RFTN2: variants seen among roughly 807,000 people sequenced by gnomAD.
RFTN2 encodes raftlin family member 2.
Under a neutral mutation model 52.7 loss-of-function variants are expected in RFTN2, and 34 were observed. The ratio of observed to expected loss-of-function variants is 0.64; its 90% CI spans 0.49 to 0.86. RFTN2 has a LOEUF of 0.86. Among genes scored for constraint, RFTN2 ranks in the 40% least tolerant of loss-of-function variants. RFTN2 has a pLI of 0.00. For synonymous variants in RFTN2, 203 were observed against 217.7 expected (o/e 0.93, Z 0.59); for missense variants, 536 against 600.1 (o/e 0.89, Z 1.12).
chr2:197,599,195 T>C (rs1217754391), intron 7 of RFTN2, among the ~76,000 whole-genome samples: 1 of 152,160 alleles, frequency 6.6e-6, no homozygotes, highest in Non-Finnish European at 1.5e-5. Context: ...CACCTCGGCC[T>C]CCCAAAGTGC....
At chr2:197,644,080 G>T in intron 3 of RFTN2, 78 bp downstream of exon 3, 2 of 856,484 alleles carry the variant, frequency 2.3e-6, no homozygotes, top group Non-Finnish European at 4.0e-6. Flanking sequence ...ATTCTTTTTA[G>T]GGTAAAAAAG....
chr2:197,583,781 C>T (rs945525763), intron 8 of RFTN2, among the ~76,000 whole-genome samples: 2 of 152,044 alleles, frequency 1.3e-5, no homozygotes, highest in African/African-American at 4.8e-5. Flanking sequence ...CTCCCCACTC[C>T]CCCACCCCAC....
intron 7 of RFTN2, among the ~76,000 whole-genome samples, chr2:197,612,051 A>C (rs545086218): frequency 6.6e-6 from 1 of 152,316 alleles, no homozygotes; most frequent in South Asian, 2.1e-4. Flanking sequence ...CAATTTTAGA[A>C]TAAGTGTGAT....
chr2:197,579,901 A>T (rs1005150241), intron 8 of RFTN2, among the ~76,000 whole-genome samples: 6 of 152,094 alleles, frequency 3.9e-5, no homozygotes, highest in African/African-American at 7.2e-5. Context: ...TTGTTCCACG[A>T]CTAGCTCTCC....
chr2:197,636,106 T>G (rs1245906673), intron 3 of RFTN2, among the ~76,000 whole-genome samples: 1 of 151,966 alleles, frequency 6.6e-6, no homozygotes, highest in Admixed American at 6.6e-5. Context: ...TATCTCTTGT[T>G]TTGGTACCAG....
intron 6 of RFTN2, among the ~76,000 whole-genome samples, chr2:197,616,268 CATTTTATTTTATTTT>C (rs60073189): frequency 8.2e-5 from 5 of 60,768 alleles, no homozygotes; most frequent in African/African-American, 1.6e-4. Flanking sequence ...TGGGAATCTG[CATTTTATTTTATTTT>C]ATTTTATTTT....
At chr2:197,658,138 T>TC (rs1291261725) in intron 1 of RFTN2, among the ~76,000 whole-genome samples, 1 of 151,896 alleles carries the variant, frequency 6.6e-6, no homozygotes, top group African/African-American at 2.4e-5. Flanking sequence ...TATGTTTTTT[T>TC]CCCCCTCATG....
chr2:197,654,763 C>T (rs1278732794), intron 1 of RFTN2, among the ~76,000 whole-genome samples: 2 of 151,574 alleles, frequency 1.3e-5, no homozygotes, highest in African/African-American at 2.4e-5. Flanking sequence ...TTTGGGAGGC[C>T]GCGGTGGGAG....
At chr2:197,634,886 C>T (rs376481899) in intron 3 of RFTN2, among the ~76,000 whole-genome samples, 1 of 121,756 alleles carries the variant, frequency 8.2e-6, no homozygotes, top group Admixed American at 8.9e-5. Flanking sequence ...TAGCTCCCCC[C>T]TCCCCCCACC....
chr2:197,590,439 C>T (rs2087685131), intron 8 of RFTN2, among the ~76,000 whole-genome samples: 1 of 152,116 alleles, frequency 6.6e-6, no homozygotes, highest in African/African-American at 2.4e-5. Flanking sequence ...GTAAAGGTCT[C>T]CATAACTTCC....
chr2:197,596,290 A>G (rs1340800868), intron 7 of RFTN2, among the ~76,000 whole-genome samples: 1 of 152,218 alleles, frequency 6.6e-6, no homozygotes, highest in Non-Finnish European at 1.5e-5. Context: ...AAAACTGAAT[A>G]TGGTCACTAT....
intron 8 of RFTN2, among the ~76,000 whole-genome samples, chr2:197,581,049 C>T (rs1213077823): frequency 6.6e-6 from 1 of 152,128 alleles, no homozygotes; most frequent in Non-Finnish European, 1.5e-5. Context: ...ACCAATCACA[C>T]ACTTGTTACT....
chr2:197,658,537 T>C (rs1348199209), intron 1 of RFTN2, among the ~76,000 whole-genome samples: 2 of 152,060 alleles, frequency 1.3e-5, no homozygotes, highest in Admixed American at 6.6e-5. Context: ...TCCTCGTTCC[T>C]AGACTTTCCA....
At chr2:197,642,938 C>T (rs1431494961) in intron 3 of RFTN2, among the ~76,000 whole-genome samples, 1 of 152,098 alleles carries the variant, frequency 6.6e-6, no homozygotes, top group African/African-American at 2.4e-5. Context: ...ATGATTGTGC[C>T]ACTATACTCC....
At chr2:197,648,770 G>A (rs1022605317) in intron 1 of RFTN2, among the ~76,000 whole-genome samples, 2 of 152,174 alleles carry the variant, frequency 1.3e-5, no homozygotes, top group African/African-American at 2.4e-5. Context: ...GCTTTGGGAT[G>A]CTGGAAGGAC....
At chr2:197,647,572 G>C (rs566206148) in intron 1 of RFTN2, among the ~76,000 whole-genome samples, 1 of 152,196 alleles carries the variant, frequency 6.6e-6, no homozygotes, top group South Asian at 2.1e-4. Context: ...TGGGAGAAAT[G>C]GCATTTATTA....
Position 197,617,837 on chromosome 2 carries a change from T to C in RFTN2, c.1013A>G (p.Asn338Ser). 2 of 1,608,822 alleles carry C rather than the reference T, an allele frequency of 1.2e-6. No homozygotes were observed. Among genetic ancestry groups the C allele is most frequent in the Non-Finnish European group, 1.7e-6 (2 of 1,176,388 alleles). ...SGVPGSSRKG[N>S]DAIVVEQWTV... ...CCATTGTTCTACTACGATGGCATCA[T>C]TTCCTTTCCTACTAGAACCTGGAAC... The change falls in exon 6 of 9, where the codon AAT becomes AGT. Residue 338 changes from asparagine (N) to serine (S), a missense_variant. Asn to Ser is a conservative substitution (Grantham distance 46). Transcript: ENST00000295049.
At chr2:197,591,472 CAG>C (rs1264126414) in intron 8 of RFTN2, among the ~76,000 whole-genome samples, 1 of 152,214 alleles carries the variant, frequency 6.6e-6, no homozygotes, top group Non-Finnish European at 1.5e-5. Context: ...CCACCAGACT[CAG>C]GAGCTCAGCT....
intron 1 of RFTN2, among the ~76,000 whole-genome samples, chr2:197,647,540 A>T (rs979573038): frequency 3.3e-5 from 5 of 152,226 alleles, no homozygotes; most frequent in Non-Finnish European, 1.5e-5. Context: ...AATAAAATTC[A>T]TACCAATCTA....
Sources: allele counts gnomAD v4.1 joint callset (sites outside exome capture counted in the v4.1 genomes callset), GRCh38; gene constraint gnomAD v4.1.1; transcripts MANE v1.5; gene names NCBI Gene and HGNC (gene_info 2026-07-23, HGNC 2026-07-21).